The following PDE8A variants were observed in gnomAD, a reference collection of about 807,000 sequenced individuals.
The protein encoded by PDE8A is high affinity cAMP-specific and IBMX-insensitive 3',5'-cyclic phosphodiesterase 8A.
PDE8A carries 59 observed loss-of-function variants against 105.0 expected under a neutral mutation model. The ratio of observed to expected loss-of-function variants is 0.56; its 90% CI spans 0.46 to 0.70. PDE8A has a LOEUF of 0.70. PDE8A is among the 30% of genes least tolerant of loss of function. The pLI is 0.00. For synonymous variants in PDE8A, 355 were observed against 371.9 expected, an observed-to-expected ratio of 0.95 and a Z score of 0.52; for missense variants, 1,014 against 1,045.9, an observed-to-expected ratio of 0.97 and a Z score of 0.42.
At chr15:85,013,661 T>C (rs1312204224) in intron 1 of PDE8A, among the ~76,000 whole-genome samples, 1 of 152,242 alleles carries the variant, frequency 6.6e-6, no homozygotes, top group Admixed American at 6.5e-5. Context: ...CCCCAAAGTT[T>C]ACTGGCTTAA....
chr15:85,091,901 C>CTTTTTTTTT lies in PDE8A; in HGVS notation c.852+732_852+740dup, dbSNP rs563631633. 2.4e-3 allele frequency among the ~76,000 whole-genome samples: 211 copies of CTTTTTTTTT among 88,350 alleles called. 1 individual carries two copies. Among genetic ancestry groups the CTTTTTTTTT allele is most frequent in the African/African-American group, 5.7e-3 (129 of 22,594 alleles). The allele number at this position is 88,350 out of a possible 152,430, so 58.0% of individuals were successfully genotyped here. ...ATCATTCATGGTCCTTTCTGCTGGA[C>CTTTTTTTTT]TTTTTTTTTTTTTTTTTTTTGCTTT... On this transcript the variant is annotated intron_variant, in intron 8 of 21. Coordinates refer to ENST00000394553, the MANE Select transcript of PDE8A (RefSeq NM_002605.3).
chr15:85,088,772 T>C (rs554258369), intron 6 of PDE8A, among the ~76,000 whole-genome samples: 11 of 152,340 alleles, frequency 7.2e-5, no homozygotes, highest in African/African-American at 2.6e-4. Flanking sequence ...TCAATAAACA[T>C]TGTCACTTGT....
intron 15 of PDE8A, 177 bp from the exon 16 acceptor site, chr15:85,115,807 C>A: frequency 1.7e-6 from 1 of 593,600 alleles, no homozygotes. Context: ...TGTAATCCCA[C>A]TACTCAGGAG....
At chr15:85,001,109 G>A (rs985226401) in intron 1 of PDE8A, among the ~76,000 whole-genome samples, 33 of 152,058 alleles carry the variant, frequency 2.2e-4, no homozygotes, top group Non-Finnish European at 3.4e-4. Context: ...GGGTTCCTGC[G>A]CCCTCTCCAG....
At chr15:85,058,864 A>G (rs1351936046) in intron 1 of PDE8A, among the ~76,000 whole-genome samples, 2 of 151,668 alleles carry the variant, frequency 1.3e-5, no homozygotes, top group Non-Finnish European at 2.9e-5. Flanking sequence ...GGTTTCCTTG[A>G]TTTTTCTGTA....
At chr15:85,099,220 G>A (rs754399840) in intron 9 of PDE8A, among the ~76,000 whole-genome samples, 5 of 152,144 alleles carry the variant, frequency 3.3e-5, no homozygotes, top group South Asian at 4.1e-4. Context: ...GACTGTGATC[G>A]TCTCCACTTT....
At chr15:85,006,101 C>T (rs1310457658) in intron 1 of PDE8A, among the ~76,000 whole-genome samples, 5 of 151,962 alleles carry the variant, frequency 3.3e-5, no homozygotes, top group Admixed American at 2.0e-4. Context: ...AGGGGAACAT[C>T]ACACTCTGGG....
chr15:85,083,000 C>T (rs1318114497), intron 5 of PDE8A, among the ~76,000 whole-genome samples: 1 of 152,258 alleles, frequency 6.6e-6, no homozygotes, highest in African/African-American at 2.4e-5. Context: ...GCCAGTGCCT[C>T]TGCTGTGGAA....
At chr15:84,995,515 C>T (rs1323808179) in intron 1 of PDE8A, among the ~76,000 whole-genome samples, 1 of 152,078 alleles carries the variant, frequency 6.6e-6, no homozygotes, top group Non-Finnish European at 1.5e-5. Context: ...GAGACAGGGT[C>T]TCATTATATT....
chr15:84,983,450 C>T (rs1382775907), intron 1 of PDE8A, among the ~76,000 whole-genome samples: 1 of 152,206 alleles, frequency 6.6e-6, no homozygotes, highest in African/African-American at 2.4e-5. Flanking sequence ...ACATTTCTAG[C>T]AGTCGTCATG....
intron 3 of PDE8A, among the ~76,000 whole-genome samples, chr15:85,069,994 A>G (rs2081287941): frequency 6.6e-6 from 1 of 152,052 alleles, no homozygotes; most frequent in Non-Finnish European, 1.5e-5. Context: ...TCATCCCTTT[A>G]AGGATGCCCG....
At chr15:85,036,377 C>G (rs976021902) in intron 1 of PDE8A, among the ~76,000 whole-genome samples, 1 of 152,176 alleles carries the variant, frequency 6.6e-6, no homozygotes, top group African/African-American at 2.4e-5. Context: ...GGAAACACCC[C>G]AGTAGTTGAC....
intron 1 of PDE8A, among the ~76,000 whole-genome samples, chr15:85,019,678 C>G (rs1220363437): frequency 6.6e-6 from 1 of 152,116 alleles, no homozygotes; most frequent in Non-Finnish European, 1.5e-5. Flanking sequence ...CTCCCAGGTT[C>G]AAGTGATCCT....
intron 5 of PDE8A, among the ~76,000 whole-genome samples, chr15:85,079,923 A>G (rs2081438757): frequency 1.3e-5 from 2 of 152,340 alleles, no homozygotes; most frequent in Middle Eastern, 3.4e-3. Flanking sequence ...CAAAAAAAAA[A>G]AGAAAGAATA....
chr15:85,026,393 T>A (rs902094845), intron 1 of PDE8A, among the ~76,000 whole-genome samples: 1 of 152,142 alleles, frequency 6.6e-6, no homozygotes, highest in Non-Finnish European at 1.5e-5. Flanking sequence ...ATGTAGACTC[T>A]CCATGTGGTC....
chr15:85,054,031 C>T (rs948252725), intron 1 of PDE8A, among the ~76,000 whole-genome samples: 4 of 137,632 alleles, frequency 2.9e-5, no homozygotes, highest in East Asian at 2.2e-4. Context: ...GCATGAAGGG[C>T]TGTTGAATTT....
chr15:85,067,286 C>G, intron 3 of PDE8A, 82 bp downstream of exon 3: 2 of 1,001,066 alleles, frequency 2.0e-6, no homozygotes, highest in South Asian at 1.8e-5. Flanking sequence ...AAATTAGACT[C>G]ACTCTCTTTT....
intron 19 of PDE8A, 144 bp downstream of exon 19, chr15:85,123,337 TACACACACAC>T (rs58421452): frequency 0.012 from 3,945 of 330,132 alleles, 36 homozygotes; most frequent in African/African-American, 0.022. Context: ...ACTAATGGGA[TACACACACAC>T]ACACACACAC....
At chr15:85,119,176 C>G (rs938688680) in intron 17 of PDE8A, among the ~76,000 whole-genome samples, 3 of 151,932 alleles carry the variant, frequency 2.0e-5, no homozygotes, top group African/African-American at 7.3e-5. Flanking sequence ...TAACTGAAAA[C>G]AGTTTATTAG....
Sources: gnomAD v4.1 joint callset for allele counts (sites outside exome capture counted in the v4.1 genomes callset) on GRCh38, gnomAD v4.1.1 for gene constraint, MANE v1.5 for transcripts, NCBI Gene and HGNC (gene_info 2026-07-23, HGNC 2026-07-21) for gene names.